PCDH7: variants seen among roughly 807,000 people sequenced by gnomAD.
The protein encoded by PCDH7 is protocadherin 7.
Under a neutral mutation model 58.9 loss-of-function variants are expected in PCDH7, and 17 were observed. The observed-to-expected ratio is 0.29, with a 90% CI of 0.20 to 0.43. The LOEUF (loss-of-function observed/expected upper bound fraction) is 0.43, where lower values mean the gene tolerates loss of function less well. PCDH7 is among the 20% of genes least tolerant of loss of function. The pLI, the probability that PCDH7 is intolerant of heterozygous loss-of-function variation, is 1.00. For missense variants in PCDH7, 1,274 were observed against 1,441.0 expected (o/e 0.88, Z 1.88); for synonymous variants, 664 against 616.4 (o/e 1.08, Z -1.14).
intron 3 of PCDH7, among the ~76,000 whole-genome samples, chr4:30,977,912 G>A (rs1051330851): frequency 4.6e-5 from 7 of 152,150 alleles, no homozygotes; most frequent in South Asian, 2.1e-4. Flanking sequence ...TTAAAATAAC[G>A]TGGTGGAGAG....
chr4:31,145,643 T>C (rs2109352500), downstream of PCDH7: 1 of 152,194 alleles, frequency 6.6e-6, no homozygotes, highest in East Asian at 1.9e-4. Flanking sequence ...TAATAAATAA[T>C]ATATTAAAAA....
chr4:31,083,333 T>C (rs1289860832), intron 3 of PCDH7, among the ~76,000 whole-genome samples: 1 of 152,146 alleles, frequency 6.6e-6, no homozygotes, highest in African/African-American at 2.4e-5. Context: ...ATTATAGATA[T>C]TGAGAAATCA....
intron 3 of PCDH7, among the ~76,000 whole-genome samples, chr4:31,116,597 T>C (rs1717013143): frequency 6.6e-6 from 1 of 152,114 alleles, no homozygotes; most frequent in South Asian, 2.1e-4. Flanking sequence ...TTGTTATCCT[T>C]GGAAAAAAAT....
At chr4:31,114,662 C>CACACAA (rs1716774196) in intron 3 of PCDH7, among the ~76,000 whole-genome samples, 3 of 151,176 alleles carry the variant, frequency 2.0e-5, no homozygotes, top group East Asian at 1.9e-4. Flanking sequence ...CACACACACA[C>CACACAA]ACACACGAAG....
chr4:31,050,666 G>C (rs1247198851), intron 3 of PCDH7, among the ~76,000 whole-genome samples: 4 of 151,918 alleles, frequency 2.6e-5, no homozygotes, highest in Non-Finnish European at 4.4e-5. Flanking sequence ...TACTAAAGAG[G>C]GATGTGAAAA....
At chr4:30,911,436 A>C (rs1578260397) in intron 1 of PCDH7, among the ~76,000 whole-genome samples, 1 of 151,538 alleles carries the variant, frequency 6.6e-6, no homozygotes, top group African/African-American at 2.4e-5. Flanking sequence ...GCAGAGACCT[A>C]TGGCCCACAA....
At chr4:30,947,290 GA>G (rs754616952) in intron 2 of PCDH7, among the ~76,000 whole-genome samples, 7 of 151,774 alleles carry the variant, frequency 4.6e-5, no homozygotes, top group African/African-American at 1.2e-4. Context: ...GTCGTTTTGG[GA>G]AAAAAAACTT....
At chr4:30,755,896 T>C (rs896089607) in intron 1 of PCDH7, among the ~76,000 whole-genome samples, 2 of 152,054 alleles carry the variant, frequency 1.3e-5, no homozygotes, top group African/African-American at 4.8e-5. Context: ...CTGAACAAGA[T>C]GGTGAAACCC....
Position 30,803,030 on chromosome 4 carries a change from G to A in PCDH7, c.70+78434G>A, listed in dbSNP as rs1947139. 4.2e-4 allele frequency among the ~76,000 whole-genome samples: 64 copies of A among 152,212 alleles called. 1 individual carries two copies. The Middle Eastern group carries it at 0.01, about 24-fold the overall frequency. ...CACCCATGAAAGTGTGTTGAAAATG[G>A]TTTATCAGGGGGATCAAAATTAGGG... On this transcript the variant is annotated intron_variant, in intron 1 of 3. Transcript: ENST00000509759.
intron 3 of PCDH7, among the ~76,000 whole-genome samples, chr4:31,032,605 CAAA>C (rs528974781): frequency 1.2e-5 from 1 of 86,882 alleles, no homozygotes; most frequent in Non-Finnish European, 2.3e-5. Flanking sequence ...CAGATTCTGT[CAAA>C]AAAAAAAAAA....
chr4:30,919,759 A>G (rs1742940538), intron 1 of PCDH7, among the ~76,000 whole-genome samples: 1 of 152,156 alleles, frequency 6.6e-6, no homozygotes, highest in Non-Finnish European at 1.5e-5. Flanking sequence ...TCTTCTTACA[A>G]TGGATTAGTT....
intron 2 of PCDH7, among the ~76,000 whole-genome samples, chr4:30,926,322 C>A (rs1397204416): frequency 6.6e-6 from 1 of 151,790 alleles, no homozygotes; most frequent in Non-Finnish European, 1.5e-5. Flanking sequence ...GTAGCTGGGA[C>A]TATAGGCGCC....
In PCDH7 at chr4:30,721,468, G is replaced by T; in HGVS notation, c.46G>T (p.Gly16Cys). The change falls in exon 1 of 2, where the codon GGC (glycine) becomes TGC (cysteine). Residue 16 changes from glycine to cysteine, a missense_variant. Around this residue, in one of 3 missense-constraint regions of PCDH7, gnomAD observed 212 missense variants for 255.8 expected, o/e 0.83. Coordinates refer to ENST00000361762, the Ensembl canonical transcript of PCDH7. This position sits in a 1 kb window ranked among gnomAD's most constrained non-coding sequence, Gnocchi z 6.7. ...GGGATGGGCGCGCGGCTGGTGCTTG[G>T]GCTGCTGCCTCCTCCTGCCGCTCTC... 6.3e-7 allele frequency: 1 copy of T among 1,576,066 alleles called. No individual in the cohort carries two copies.
At chr4:30,992,127 T>C (rs1179727306) in intron 3 of PCDH7, among the ~76,000 whole-genome samples, 2 of 152,198 alleles carry the variant, frequency 1.3e-5, no homozygotes, top group Admixed American at 6.5e-5. Context: ...GGTAGAATTG[T>C]GTTGAAGATA....
intron 1 of PCDH7, among the ~76,000 whole-genome samples, chr4:30,791,750 G>A (rs1355145815): frequency 1.3e-5 from 2 of 152,152 alleles, no homozygotes; most frequent in African/African-American, 2.4e-5. Context: ...ACAAGTGAAA[G>A]GAAACTGTGA....
chr4:31,097,640 A>T (rs1162364327), intron 3 of PCDH7, among the ~76,000 whole-genome samples: 47 of 88,910 alleles, frequency 5.3e-4, no homozygotes, highest in Non-Finnish European at 6.7e-4. Context: ...ATATATATAA[A>T]TCTTTTTTCT....
chr4:31,023,444 A>C (rs562562391), intron 3 of PCDH7, among the ~76,000 whole-genome samples: 1 of 152,342 alleles, frequency 6.6e-6, no homozygotes, highest in African/African-American at 2.4e-5. Flanking sequence ...GACCTGAATC[A>C]AATTCCTGCT....
chr4:31,106,619 C>A (rs1715612463), intron 3 of PCDH7, among the ~76,000 whole-genome samples: 1 of 152,178 alleles, frequency 6.6e-6, no homozygotes, highest in African/African-American at 2.4e-5. Flanking sequence ...ATGTTACTTC[C>A]TATTTAACAT....
At chr4:30,938,961 A>C (rs1745700690) in intron 2 of PCDH7, among the ~76,000 whole-genome samples, 1 of 152,148 alleles carries the variant, frequency 6.6e-6, no homozygotes, top group South Asian at 2.1e-4. Flanking sequence ...ACTGAGGTAA[A>C]AATATACAAA....
Sources: gnomAD v4.1 joint callset for allele counts (sites outside exome capture counted in the v4.1 genomes callset) on GRCh38, gnomAD v4.1.1 for gene constraint, gnomAD v4.1.1 regional missense constraint, Gnocchi (gnomAD v3.1) non-coding constraint, MANE v1.5 for transcripts, NCBI Gene and HGNC (gene_info 2026-07-23, HGNC 2026-07-21) for gene names.